INAVA: variants seen among roughly 807,000 people sequenced by gnomAD.
The protein encoded by INAVA is innate immunity activator protein.
Under a neutral mutation model 55.3 loss-of-function variants are expected in INAVA, and 32 were observed. The observed-to-expected ratio is 0.58, with a 90% CI of 0.44 to 0.78. INAVA has a LOEUF of 0.78. Among genes scored for constraint, INAVA ranks in the 30% least tolerant of loss-of-function variants. The pLI is 0.00. For synonymous variants in INAVA, 294 were observed against 329.4 expected (o/e 0.89, Z 1.16); for missense variants, 756 against 786.4 (o/e 0.96, Z 0.46).
chr1:200,898,083 G>A (rs1281356919), intron 1 of INAVA, among the ~76,000 whole-genome samples: 4 of 152,166 alleles, frequency 2.6e-5, no homozygotes, highest in Non-Finnish European at 5.9e-5. Flanking sequence ...CCAGAGGGGA[G>A]TTAGGCTGGG....
At chr1:200,901,351 C>T (rs909195186) in intron 5 of INAVA, among the ~76,000 whole-genome samples, 192 bp downstream of exon 5, 4 of 152,212 alleles carry the variant, frequency 2.6e-5, no homozygotes, top group Non-Finnish European at 5.9e-5. Flanking sequence ...TCTTCTTCTC[C>T]GTCTCCTTAG....
At position 200,899,491 on chromosome 1, in the gene INAVA, C is replaced by T. The variant is rs774445075; in HGVS notation, c.74C>T (p.Ser25Phe). 1 of 1,614,094 alleles carries T rather than the reference C, an allele frequency of 6.2e-7. No individual in the cohort carries two copies. The highest frequency in any genetic ancestry group is 8.5e-7 in the Non-Finnish European group (1 of 1,180,012). Residue 25 changes from serine to phenylalanine, a missense_variant, in exon 3 of 10, where the codon TCC becomes TTC. Ser to Phe is a radical substitution (Grantham distance 155). This residue lies in a region of INAVA where 639 missense variants were observed against 624.3 expected (regional missense o/e 1.02). Coordinates refer to ENST00000413687, the MANE Select transcript of INAVA (RefSeq NM_001142569.3). ...ILQSGPDSPVSPMKELTHAVH... is the reference protein window; with the variant it reads ...ILQSGPDSPVFPMKELTHAVH... The stretch of plus-strand genomic sequence containing the variant: ...CTTGCAGGCCCCGACAGCCCGGTCT[C>T]CCCAATGAAGGAGCTGACCCATGCA...
intron 5 of INAVA, among the ~76,000 whole-genome samples, chr1:200,903,906 G>T (rs979270719): frequency 3.3e-5 from 5 of 152,004 alleles, no homozygotes; most frequent in Non-Finnish European, 4.4e-5. Context: ...TTTAGTTTGG[G>T]AAAGTAACTG....
At chr1:200,905,115 A>G (rs1260803622) in intron 5 of INAVA, among the ~76,000 whole-genome samples, 2 of 152,158 alleles carry the variant, frequency 1.3e-5, no homozygotes, top group Non-Finnish European at 2.9e-5. Flanking sequence ...GGGTCTCTTT[A>G]ATTGAACCCT....
upstream of INAVA, among the ~76,000 whole-genome samples, chr1:200,894,261 G>A (rs547086866): frequency 6.0e-4 from 92 of 152,146 alleles, no homozygotes; most frequent in Non-Finnish European, 1.2e-3. Flanking sequence ...CCATGAACAT[G>A]CGTTGCTGGG....
Position 200,911,911 on chromosome 1 carries a change from T to C in INAVA, c.1418T>C (p.Leu473Pro). Residue 473 changes from leucine (L) to proline (P), a missense_variant, in exon 9 of 10, where the codon CTG becomes CCG. Transcript: ENST00000413687. ...EEGTPLRYQRLVPSRSRIVRT... is the reference protein window; with the variant it reads ...EEGTPLRYQRPVPSRSRIVRT... ...GGCACTCCCCTGCGCTACCAGCGTC[T>C]GGTGCCCTCCCGCAGCCGCATCGTG... The C allele has an allele frequency of 6.3e-7, 1 of 1,579,456 alleles. No homozygotes were observed. The highest frequency in any genetic ancestry group is 8.5e-7 in the Non-Finnish European group (1 of 1,170,288).
intron 9 of INAVA, among the ~76,000 whole-genome samples, chr1:200,912,657 C>G (rs889566275): frequency 6.6e-6 from 1 of 152,160 alleles, no homozygotes; most frequent in African/African-American, 2.4e-5. Context: ...AGCTAGACCA[C>G]CAGGTTCAAA....
At chr1:200,909,910 T>A (rs967681171) in intron 8 of INAVA, among the ~76,000 whole-genome samples, 2 of 152,214 alleles carry the variant, frequency 1.3e-5, no homozygotes, top group African/African-American at 2.4e-5. Context: ...TTATGTGAGT[T>A]TCTGCTTAAG....
upstream of INAVA, chr1:200,891,751 G>C: frequency 1.5e-6 from 2 of 1,347,308 alleles, no homozygotes; most frequent in Non-Finnish European, 2.0e-6. Context: ...TGGGGCGGGG[G>C]ATCGGGCCCC....
At chr1:200,900,712 G>A (rs999898452) in intron 4 of INAVA, among the ~76,000 whole-genome samples, 1 of 152,190 alleles carries the variant, frequency 6.6e-6, no homozygotes, top group Non-Finnish European at 1.5e-5. Flanking sequence ...GTGGGCTGGT[G>A]GGTGGGTGCC....
chr1:200,896,673 T>C (rs1345506019), intron 1 of INAVA, among the ~76,000 whole-genome samples: 1 of 152,266 alleles, frequency 6.6e-6, no homozygotes, highest in Non-Finnish European at 1.5e-5. Context: ...GTGTTGTTTA[T>C]GTAGGTCTAT....
intron 2 of INAVA, among the ~76,000 whole-genome samples, 172 bp from the exon 3 acceptor site, chr1:200,899,301 T>C (rs545012918): frequency 2.0e-5 from 3 of 152,294 alleles, no homozygotes; most frequent in East Asian, 1.9e-4. Flanking sequence ...ACGTGGTGTT[T>C]TGTGGCTGTG....
intron 7 of INAVA, 48 bp downstream of exon 7, chr1:200,908,988 G>C (rs763834745): frequency 6.4e-7 from 1 of 1,569,444 alleles, no homozygotes; most frequent in African/African-American, 1.4e-5. Flanking sequence ...CAGGGAGTCG[G>C]TGGGAGCTAT....
Position 200,911,714 on chromosome 1 carries a change from C to A in INAVA, c.1221C>A (p.Arg407=). The change falls in exon 9 of 10, where the codon CGC becomes CGA. Residue 407 remains arginine, a synonymous_variant. Coordinates refer to ENST00000413687, the MANE Select transcript of INAVA (RefSeq NM_001142569.3). The part of the protein sequence containing the change: ...PLSPPKTHRH[R]GAWVPAGSRE... ...CCCCTCCCAAGACCCATCGTCACCGCGGGGCCTGGGTCCCAGCCGGCAGCA... is the reference window on the plus strand; with the variant it reads ...CCCCTCCCAAGACCCATCGTCACCGAGGGGCCTGGGTCCCAGCCGGCAGCA... The A allele has an allele frequency of 6.2e-7, 1 of 1,613,302 alleles. No individual in the cohort carries two copies. Among genetic ancestry groups the A allele is most frequent in the Non-Finnish European group, 8.5e-7 (1 of 1,179,470 alleles).
rs761732608 is a variant in INAVA, at chr1:200,911,457, G to T, written c.964G>T (p.Asp322Tyr). 1.4e-5 allele frequency: 23 copies of T among 1,610,858 alleles called. No homozygotes were observed. The highest frequency in any genetic ancestry group is 1.8e-5 in the Non-Finnish European group (21 of 1,177,932). The change falls in exon 9 of 10, where the codon GAT (aspartate) becomes TAT (tyrosine). Residue 322 changes from aspartate to tyrosine, a missense_variant. Transcript: ENST00000413687. ...TGCCTCTCTTTCCCTCTTCAGGGTG[G>T]ATTCCTTCCGGGCGGGTCCTGAGGG... Reference protein sequence around the residue: ...RRGQSQSLRVDSFRAGPEGRG... With the variant: ...RRGQSQSLRVYSFRAGPEGRG...
Position 200,911,746 on chromosome 1 carries a change from T to A in INAVA, c.1253T>A (p.Leu418Gln), listed in dbSNP as rs1351305458. Reference protein sequence around the residue: ...GAWVPAGSRELVAHHPKLLLP... With the variant: ...GAWVPAGSREQVAHHPKLLLP... The stretch of plus-strand genomic sequence containing the variant: ...TGGGTCCCAGCCGGCAGCAGAGAGC[T>A]GGTCGCCCACCACCCCAAGCTACTG... Residue 418 changes from leucine to glutamine, a missense_variant, in exon 9 of 10, where the codon CTG becomes CAG. By Grantham distance (113) the Leu-to-Gln change is moderately radical (BLOSUM62 -2). Around this residue, in one of 2 missense-constraint regions of INAVA, gnomAD observed 639 missense variants for 624.3 expected, o/e 1.02. Coordinates refer to ENST00000413687, the MANE Select transcript of INAVA (RefSeq NM_001142569.3). 4 of 1,611,848 alleles carry A rather than the reference T, an allele frequency of 2.5e-6. No individual in the cohort carries two copies. Among genetic ancestry groups the A allele is most frequent in the Non-Finnish European group, 3.4e-6 (4 of 1,178,668 alleles).
At chr1:200,910,328 C>T (rs1471639535) in intron 8 of INAVA, among the ~76,000 whole-genome samples, 2 of 152,140 alleles carry the variant, frequency 1.3e-5, no homozygotes, top group Non-Finnish European at 2.9e-5. Flanking sequence ...TAAAGTTTAG[C>T]AACTAGGAAA....
At chr1:200,907,925 A>ACTC (rs1445124974) in intron 6 of INAVA, 38 bp downstream of exon 6, 2 of 1,554,396 alleles carry the variant, frequency 1.3e-6, no homozygotes, top group Non-Finnish European at 8.9e-7. Context: ...TCAAGGCTGG[A>ACTC]CTCCTACTGC....
rs747508559 is a variant in INAVA, at chr1:200,908,835, G to A, written c.680G>A (p.Gly227Glu). 2.5e-6 allele frequency: 4 copies of A among 1,613,994 alleles called. No individual in the cohort carries two copies. In the Admixed American group the frequency reaches 6.7e-5, roughly 27 times the overall value. ...CTGCAGCCAACAGGACCTGAGGCTG[G>A]GAGCCCAGAACGGGCTCCAGTCCAG... ...EGLQPTGPEA[G>E]SPERAPVQNS... Residue 227 changes from glycine to glutamate, a missense_variant, in exon 7 of 10, where the codon GGG (glycine) becomes GAG (glutamate). Physicochemically the swap from Gly to Glu is moderately conservative, Grantham distance 98. Around this residue, in one of 2 missense-constraint regions of INAVA, gnomAD observed 639 missense variants for 624.3 expected, o/e 1.02. Transcript: ENST00000413687.
Sources: gnomAD v4.1 joint callset for allele counts (sites outside exome capture counted in the v4.1 genomes callset) on GRCh38, gnomAD v4.1.1 for gene constraint, gnomAD v4.1.1 regional missense constraint, MANE v1.5 for transcripts, NCBI Gene and HGNC (gene_info 2026-07-23, HGNC 2026-07-21) for gene names.